Variants in SORCS3 observed in about 807,000 individuals in gnomAD.
The protein encoded by SORCS3 is VPS10 domain-containing receptor SorCS3.
In SORCS3, 57 loss-of-function variants were observed where a neutral mutation model predicts 146.3. That is an observed-to-expected ratio of 0.39 (90% CI 0.31 to 0.49). The LOEUF (loss-of-function observed/expected upper bound fraction) is 0.49, where lower values mean the gene tolerates loss of function less well. Ranked by LOEUF, SORCS3 falls within the 20% of genes least tolerant of loss-of-function variation. The pLI is 0.92. For synonymous variants in SORCS3, 653 were observed against 618.5 expected (o/e 1.06, Z -0.83); for missense variants, 1,341 against 1,575.5 (o/e 0.85, Z 2.52).
At chr10:105,002,385 T>G (rs1167794340) in intron 4 of SORCS3, among the ~76,000 whole-genome samples, 1 of 152,156 alleles carries the variant, frequency 6.6e-6, no homozygotes, top group Non-Finnish European at 1.5e-5. Context: ...GAAGACTGAC[T>G]TGTGATGGCA....
intron 9 of SORCS3, 134 bp downstream of exon 9, chr10:105,147,930 G>A (rs1006170970): frequency 4.4e-6 from 3 of 677,976 alleles, no homozygotes; most frequent in African/African-American, 1.8e-5. Context: ...CTTTGGGCAA[G>A]GGACTTCTAT....
chr10:104,759,819 G>A (rs1384431549), intron 1 of SORCS3, among the ~76,000 whole-genome samples: 1 of 152,138 alleles, frequency 6.6e-6, no homozygotes, highest in East Asian at 1.9e-4. Context: ...TGTCCTGTTG[G>A]TTCTGGGTCA....
intron 5 of SORCS3, among the ~76,000 whole-genome samples, chr10:105,064,418 T>A (rs181597262): frequency 1.7e-3 from 265 of 152,064 alleles, no homozygotes; most frequent in Middle Eastern, 0.017. Context: ...TGAGAGGGAA[T>A]TTATTAGGGG....
Position 105,000,916 on chromosome 10 carries a change from A to G in SORCS3, c.954+23423A>G, listed in dbSNP as rs543902906. Among the ~76,000 whole-genome samples the G allele has an allele frequency of 1.1e-3, 170 of 152,308 alleles. 1 individual carries two copies. Among genetic ancestry groups the G allele is most frequent in the Non-Finnish European group, 1.6e-3 (106 of 68,020 alleles). On this transcript the variant is annotated intron_variant, in intron 4 of 26. Transcript: ENST00000369701. ...ACTTAGGTGTCTTTCCCAAAACACC[A>G]TGGGTCATTATCGAGTCAGATACTG...
Position 105,214,552 on chromosome 10 carries a change from C to T in SORCS3, c.2486C>T (p.Thr829Ile), listed in dbSNP as rs1049219004. The change falls in exon 18 of 27, where the codon ACC becomes ATC. Residue 829 changes from threonine (T) to isoleucine (I), a missense_variant. Thr to Ile is a moderately conservative substitution (Grantham distance 89). Transcript: ENST00000369701. ...CCTCGGGGCCTCCATGTGGTGACGACCGATGGGCGGCTGGTGGCAGAGCAG... is the reference window on the plus strand; with the variant it reads ...CCTCGGGGCCTCCATGTGGTGACGATCGATGGGCGGCTGGTGGCAGAGCAG... ...KAPRGLHVVT[T>I]DGRLVAEQGH... 5 of 1,611,212 alleles carry T rather than the reference C, an allele frequency of 3.1e-6. No individual in the cohort carries two copies. Among genetic ancestry groups the T allele is most frequent in the Non-Finnish European group, 4.2e-6 (5 of 1,178,944 alleles).
At chr10:105,143,083 C>T (rs992988739) in intron 8 of SORCS3, among the ~76,000 whole-genome samples, 2 of 152,096 alleles carry the variant, frequency 1.3e-5, no homozygotes, top group African/African-American at 4.8e-5. Flanking sequence ...TTTGCCTGTA[C>T]ATCCATCTAT....
rs138408847 is a variant in SORCS3, at chr10:104,881,051, T to G, written c.696-34782T>G. 2.3e-3 allele frequency among the ~76,000 whole-genome samples: 344 copies of G among 152,310 alleles called. 2 individuals are homozygous for G. Among genetic ancestry groups the G allele is most frequent in the Non-Finnish European group, 2.2e-3 (150 of 68,022 alleles). On this transcript the variant is annotated intron_variant, in intron 2 of 26. Transcript: ENST00000369701. Reference sequence around the variant, plus strand: ...CTATGATTATTTATTTGCTCCAACTTCAGCATCATTTATGCAGCAAAGTAT... The same window carrying G: ...CTATGATTATTTATTTGCTCCAACTGCAGCATCATTTATGCAGCAAAGTAT...
At chr10:105,048,366 G>A (rs1168088598) in intron 5 of SORCS3, among the ~76,000 whole-genome samples, 2 of 150,628 alleles carry the variant, frequency 1.3e-5, no homozygotes, top group African/African-American at 2.4e-5. Flanking sequence ...AAAAAATGAT[G>A]AATTCATGTC....
chr10:104,834,841 A>G (rs928099021), intron 1 of SORCS3, among the ~76,000 whole-genome samples: 4 of 151,788 alleles, frequency 2.6e-5, no homozygotes, highest in Non-Finnish European at 5.9e-5. Context: ...AATTATAAGG[A>G]CCTGAAATTG....
At chr10:104,878,545 CTGTA>C (rs2018599380) in intron 2 of SORCS3, among the ~76,000 whole-genome samples, 1 of 152,084 alleles carries the variant, frequency 6.6e-6, no homozygotes, top group Non-Finnish European at 1.5e-5. Context: ...TGCACACAAG[CTGTA>C]TGTATTATTT....
chr10:104,771,658 T>C (rs114380910), intron 1 of SORCS3, among the ~76,000 whole-genome samples: 1,966 of 152,264 alleles, frequency 0.013, 33 homozygotes, highest in African/African-American at 0.038. Flanking sequence ...TAAAATATCC[T>C]ACTTCTCAGA....
At chr10:104,907,697 C>T (rs2018921176) in intron 2 of SORCS3, among the ~76,000 whole-genome samples, 2 of 152,190 alleles carry the variant, frequency 1.3e-5, no homozygotes, top group South Asian at 4.1e-4. Flanking sequence ...ATCATTGTGC[C>T]TCTCTTTGTG....
At chr10:104,714,960 A>G (rs941357753) in intron 1 of SORCS3, among the ~76,000 whole-genome samples, 3 of 152,204 alleles carry the variant, frequency 2.0e-5, no homozygotes, top group Admixed American at 2.0e-4. Flanking sequence ...GTGATGGGTC[A>G]TAGGCTAAAT....
In SORCS3 at chr10:105,157,135, T is replaced by C; in HGVS notation, c.1483-3T>C. On this transcript the variant is annotated splice_polypyrimidine_tract_variant and splice_region_variant and intron_variant, in intron 9 of 26. Transcript: ENST00000369701. ...GTTCTCCATCTCTCACCTTTTTTCC[T>C]AGGTAGCAGGTATCAAAGGGATATT... is the stretch of plus-strand genomic sequence containing the variant. The C allele has an allele frequency of 6.2e-7, 1 of 1,613,726 alleles. No homozygotes were observed. The highest frequency in any genetic ancestry group is 8.5e-7 in the Non-Finnish European group (1 of 1,179,780).
chr10:105,196,803 G>T (rs2056546707), intron 14 of SORCS3, among the ~76,000 whole-genome samples: 1 of 152,140 alleles, frequency 6.6e-6, no homozygotes, highest in Non-Finnish European at 1.5e-5. Flanking sequence ...GGATCATATT[G>T]CCACCTGTAT....
chr10:105,061,110 C>T (rs1399306758), intron 5 of SORCS3, among the ~76,000 whole-genome samples: 1 of 151,978 alleles, frequency 6.6e-6, no homozygotes, highest in Admixed American at 6.6e-5. Context: ...ATAGACTTTA[C>T]AAATAATTTT....
intron 1 of SORCS3, among the ~76,000 whole-genome samples, chr10:104,827,979 G>A (rs944142376): frequency 4.6e-5 from 7 of 152,190 alleles, no homozygotes; most frequent in Non-Finnish European, 8.8e-5. Context: ...ACTGAAGAGC[G>A]TTAGGGCCTT....
chr10:104,979,515 A>T (rs2054920775), intron 4 of SORCS3, among the ~76,000 whole-genome samples: 1 of 152,142 alleles, frequency 6.6e-6, no homozygotes, highest in South Asian at 2.1e-4. Flanking sequence ...TTAAATACTG[A>T]AACAGTTGCT....
intron 4 of SORCS3, among the ~76,000 whole-genome samples, chr10:104,986,496 A>T (rs1396767827): frequency 6.6e-6 from 1 of 152,136 alleles, no homozygotes; most frequent in Non-Finnish European, 1.5e-5. Flanking sequence ...TCCTTCAAAA[A>T]CTTTTCCTTT....
Sources: allele counts gnomAD v4.1 joint callset (sites outside exome capture counted in the v4.1 genomes callset), GRCh38; gene constraint gnomAD v4.1.1; transcripts MANE v1.5; gene names NCBI Gene and HGNC (gene_info 2026-07-23, HGNC 2026-07-21).